Variants in ARMC3 observed in about 807,000 individuals in gnomAD.
ARMC3 encodes the protein armadillo repeat-containing protein 3.
In ARMC3, 74 loss-of-function variants were observed where a neutral mutation model predicts 90.3. The ratio of observed to expected loss-of-function variants is 0.82; its 90% CI spans 0.68 to 0.99. ARMC3 has a LOEUF of 0.99. Among genes scored for constraint, ARMC3 ranks in the 50% least tolerant of loss-of-function variants. ARMC3 has a pLI of 0.00. For synonymous variants in ARMC3, 334 were observed against 361.8 expected (o/e 0.92, Z 0.87); for missense variants, 958 against 1,042.8 (o/e 0.92, Z 1.12).
intron 13 of ARMC3, among the ~76,000 whole-genome samples, chr10:23,006,444 T>C (rs1338633889): frequency 6.6e-6 from 1 of 152,250 alleles, no homozygotes; most frequent in Non-Finnish European, 1.5e-5. Flanking sequence ...AAAAGTGATC[T>C]AGTCTAGCCC....
At chr10:22,972,887 C>T (rs1309205233) in intron 8 of ARMC3, among the ~76,000 whole-genome samples, 2 of 152,132 alleles carry the variant, frequency 1.3e-5, no homozygotes, top group Non-Finnish European at 2.9e-5. Flanking sequence ...GTATTTTAGT[C>T]TCTTAACTAC....
At chr10:22,989,356 C>T (rs548737217) in intron 10 of ARMC3, among the ~76,000 whole-genome samples, 12 of 152,276 alleles carry the variant, frequency 7.9e-5, no homozygotes, top group Non-Finnish European at 1.3e-4. Context: ...GTACCGGTAG[C>T]TGGACATCTT....
At chr10:22,998,467 A>AT in intron 11 of ARMC3, 70 bp downstream of exon 11, 1 of 1,560,020 alleles carries the variant, frequency 6.4e-7, no homozygotes, top group Non-Finnish European at 8.7e-7. Context: ...CATTGGAAAC[A>AT]TTTTTAAGTG....
rs1210970741 is a variant in ARMC3, at chr10:23,037,443, G to A, written c.2583G>A (p.Leu861=). 3.1e-6 allele frequency: 5 copies of A among 1,614,036 alleles called. No homozygotes were observed. The South Asian group carries it at 5.5e-5, about 18-fold the overall frequency. The change falls in exon 19 of 19, where the codon TTG becomes TTA. Residue 861 remains leucine, a synonymous_variant. Coordinates refer to ENST00000298032, the MANE Select transcript of ARMC3 (RefSeq NM_173081.5). Reference sequence around the variant, plus strand: ...TCCATCCAGGTGGACTGATGAAGTTGAGAAGTCGAGAGGCTGATCTTTACA... The same window carrying A: ...TCCATCCAGGTGGACTGATGAAGTTAAGAAGTCGAGAGGCTGATCTTTACA... ...LMFHPGGLMK[L]RSREADLYRF...
At chr10:22,952,734 T>C (rs1199515762) in intron 3 of ARMC3, among the ~76,000 whole-genome samples, 7 of 150,962 alleles carry the variant, frequency 4.6e-5, no homozygotes, top group African/African-American at 1.7e-4. Flanking sequence ...GAAAGAAATC[T>C]GCAAGTCAGT....
At chr10:22,967,329 G>A (rs1241442485) in intron 7 of ARMC3, among the ~76,000 whole-genome samples, 1 of 152,104 alleles carries the variant, frequency 6.6e-6, no homozygotes, top group Non-Finnish European at 1.5e-5. Context: ...CTGTGGCCCA[G>A]ATAAAAATTC....
intron 17 of ARMC3, 127 bp downstream of exon 17, chr10:23,030,923 A>G: frequency 9.8e-7 from 1 of 1,021,276 alleles, no homozygotes; most frequent in East Asian, 2.6e-5. Context: ...TGACTCTGAC[A>G]CAGAAACACA....
rs1837318867 is a variant in ARMC3, at chr10:23,002,054, G to A, written c.1561G>A (p.Gly521Arg). 3.1e-6 allele frequency: 5 copies of A among 1,613,168 alleles called. No individual in the cohort carries two copies. The highest frequency in any genetic ancestry group is 2.2e-5 in the East Asian group (1 of 44,832). Reference sequence around the variant, plus strand: ...GACGGCCAATGAATTATGCAGGCTCGGGTGAGTGGATGCCATCTCAAGTTT... The same window carrying A: ...GACGGCCAATGAATTATGCAGGCTCAGGTGAGTGGATGCCATCTCAAGTTT... Reference protein sequence around the residue: ...ELTANELCRLGALDILEEVNV... With the variant: ...ELTANELCRLRALDILEEVNV... Residue 521 changes from glycine to arginine, a missense_variant and splice_region_variant, in exon 12 of 19, where the codon GGG (glycine) becomes AGG (arginine). Coordinates refer to ENST00000298032, the MANE Select transcript of ARMC3 (RefSeq NM_173081.5).
At chr10:22,929,402 C>G (rs889063127) in intron 1 of ARMC3, among the ~76,000 whole-genome samples, 2 of 152,058 alleles carry the variant, frequency 1.3e-5, no homozygotes, top group African/African-American at 2.4e-5. Context: ...TTATTTTATT[C>G]GTTGTGCCCT....
chr10:22,981,785 C>T (rs1007174081), intron 10 of ARMC3, 85 bp downstream of exon 10: 72 of 1,143,190 alleles, frequency 6.3e-5, no homozygotes, highest in Non-Finnish European at 8.4e-5. Context: ...TTGACTTTCA[C>T]GATAGTCTAT....
intron 7 of ARMC3, among the ~76,000 whole-genome samples, 181 bp downstream of exon 7, chr10:22,962,259 T>A (rs1334375607): frequency 6.6e-6 from 1 of 152,228 alleles, no homozygotes; most frequent in Non-Finnish European, 1.5e-5. Context: ...AAACTAATTT[T>A]AAAAATCTTC....
At chr10:22,994,597 AT>A (rs1451439512) in intron 10 of ARMC3, among the ~76,000 whole-genome samples, 1 of 152,218 alleles carries the variant, frequency 6.6e-6, no homozygotes, top group African/African-American at 2.4e-5. Flanking sequence ...ATCCTAAGCA[AT>A]GGGAAACCGT....
chr10:23,007,827 C>T (rs4748835), intron 14 of ARMC3, among the ~76,000 whole-genome samples: 120,082 of 152,106 alleles, frequency 0.79, 48,811 homozygotes, highest in Non-Finnish European at 0.9. Flanking sequence ...TAATAGTCTT[C>T]TTGCAGTGGC....
chr10:23,021,786 T>C (rs1231736955), intron 16 of ARMC3, among the ~76,000 whole-genome samples: 1 of 152,230 alleles, frequency 6.6e-6, no homozygotes, highest in Non-Finnish European at 1.5e-5. Context: ...CTGTTTACTC[T>C]GTTGATAGTT....
rs144062863 is a variant in ARMC3, at chr10:22,928,372, G to C, written c.-2+266G>C. On this transcript the variant is annotated intron_variant, in intron 1 of 18. Transcript: ENST00000298032. Reference sequence around the variant, plus strand: ...GAGATCAAGTCAGATTCCGTTACTTGACTGTGAGCAACTCAGAAGTGGCCT... The same window carrying C: ...GAGATCAAGTCAGATTCCGTTACTTCACTGTGAGCAACTCAGAAGTGGCCT... Among the ~76,000 whole-genome samples the C allele has an allele frequency of 2.5e-3, 378 of 152,272 alleles. 1 individual carries two copies. The highest frequency in any genetic ancestry group is 8.8e-3 in the African/African-American group (367 of 41,550).
intron 7 of ARMC3, among the ~76,000 whole-genome samples, chr10:22,963,822 G>A (rs1001013307): frequency 4.8e-5 from 7 of 144,374 alleles, no homozygotes; most frequent in Admixed American, 3.6e-4. Flanking sequence ...CCCGTGAGTC[G>A]GAGGTTGCAG....
intron 10 of ARMC3, among the ~76,000 whole-genome samples, chr10:22,991,254 CAAGT>C (rs1363463735): frequency 6.6e-6 from 1 of 152,052 alleles, no homozygotes; most frequent in Non-Finnish European, 1.5e-5. Context: ...ATGAAACAAA[CAAGT>C]AAAAATGAAT....
At position 23,038,520 on chromosome 10, in the gene ARMC3, A is replaced by AAT. The variant is rs1484836150; in HGVS notation, c.*1041_*1042insAT. ...TTATTTCAGAATAAATTTATTTCAAATGGCGTGGTAATTATATTTATCATA... is the reference window on the plus strand; with the variant it reads ...TTATTTCAGAATAAATTTATTTCAAAATTGGCGTGGTAATTATATTTATCATA... On this transcript the variant is annotated 3_prime_UTR_variant, in exon 19 of 19. Transcript: ENST00000298032. The AAT allele has an allele frequency of 2.6e-5, 4 of 152,144 alleles. No individual in the cohort carries two copies. The East Asian group carries it at 7.7e-4, about 29-fold the overall frequency. The allele number at this position is 152,144 out of a possible 1,614,324, so 9.4% of individuals were successfully genotyped here. A position where few individuals can be genotyped will look rare whatever the true frequency, so the allele number is the denominator to read the frequency against.
intron 4 of ARMC3, among the ~76,000 whole-genome samples, chr10:22,958,490 T>A (rs1430347935): frequency 6.6e-6 from 1 of 152,190 alleles, no homozygotes; most frequent in Non-Finnish European, 1.5e-5. Flanking sequence ...TCTTCTGATA[T>A]GTGTTCTAGG....
Sources: allele counts gnomAD v4.1 joint callset (sites outside exome capture counted in the v4.1 genomes callset), GRCh38; gene constraint gnomAD v4.1.1; transcripts MANE v1.5; gene names NCBI Gene and HGNC (gene_info 2026-07-23, HGNC 2026-07-21).